The following RAB5B variants were observed in gnomAD, a reference collection of about 807,000 sequenced individuals.
RAB5B encodes RAB5B, member RAS oncogene family, also known as ras-related protein Rab-5B.
A neutral mutation model predicts 28.6 loss-of-function variants in RAB5B; 11 were observed. The ratio of observed to expected loss-of-function variants is 0.38; its 90% confidence interval spans 0.24 to 0.64. The LOEUF is 0.64. RAB5B is among the 30% of genes least tolerant of loss of function. The probability of loss-of-function intolerance (pLI) is 0.53; values close to 1 mark genes in which losing one functional copy is unlikely to be tolerated. For missense variants in RAB5B, 169 were observed against 265.6 expected (o/e 0.64, Z 2.53); for synonymous variants, 93 against 97.9 (o/e 0.95, Z 0.29).
At chr12:55,985,909 T>C (rs1889939051) in intron 1 of RAB5B, among the ~76,000 whole-genome samples, 2 of 152,200 alleles carry the variant, frequency 1.3e-5, no homozygotes, top group African/African-American at 4.8e-5. Context: ...GAGTTGTTAA[T>C]GAAACAAAGA....
chr12:55,996,003 A>ATATATATATATATTTTT lies in RAB5B; in HGVS notation c.*3792_*3793insATATATATATATTTTTT. The ATATATATATATATTTTT allele has an allele frequency of 3.3e-4, 32 of 97,370 alleles. No individual in the cohort carries two copies. The highest frequency in any genetic ancestry group is 7.5e-4 in the Admixed American group (7 of 9,310). 6.0% of individuals were successfully genotyped at this position (97,370 alleles called of 1,614,324 possible). On this transcript the variant is annotated 3_prime_UTR_variant, in exon 6 of 6. Transcript: ENST00000360299. The stretch of plus-strand genomic sequence containing the variant: ...TATATACATATATATATATATATAT[A>ATATATATATATATTTTT]TTTTTTTTTTAACAACTGGTAGGAT...
chr12:55,982,051 C>T (rs1889822869), intron 1 of RAB5B, among the ~76,000 whole-genome samples: 1 of 152,050 alleles, frequency 6.6e-6, no homozygotes, highest in Admixed American at 6.6e-5. Flanking sequence ...ATCCGCCCAC[C>T]TCAGCCTCCC....
At chr12:55,991,990 C>A in intron 5 of RAB5B, 107 bp from the exon 6 acceptor site, 1 of 770,124 alleles carries the variant, frequency 1.3e-6, no homozygotes, top group Non-Finnish European at 2.1e-6. Context: ...TTTAATCTCT[C>A]AAATTCTCCC....
At position 55,990,744 on chromosome 12, in the gene RAB5B, C is replaced by T; in HGVS notation, c.378C>T (p.Ile126=). 1.9e-6 allele frequency: 3 copies of T among 1,614,094 alleles called. No homozygotes were observed. The highest frequency in any genetic ancestry group is 1.1e-5 in the South Asian group (1 of 91,082). ...KELQRQASPS[I]VIALAGNKAD... ...TACAGCGACAGGCCAGTCCTAGCAT[C>T]GTTATTGCCCTGGCAGGGAACAAAG... The change falls in exon 4 of 6, where the codon ATC becomes ATT. Residue 126 remains isoleucine (I), a synonymous_variant. Coordinates refer to ENST00000360299, the MANE Select transcript of RAB5B (RefSeq NM_002868.4).
At chr12:55,990,543 G>A (rs1445822083) in intron 3 of RAB5B, 139 bp from the exon 4 acceptor site, 1 of 1,163,942 alleles carries the variant, frequency 8.6e-7, no homozygotes, top group African/African-American at 1.5e-5. Context: ...TAAGAAGACA[G>A]ATAATGAATT....
rs141101772 is a variant in RAB5B, at chr12:55,990,074, C to T, written c.291C>T (p.Ile97=). The T allele has an allele frequency of 8.6e-4, 1,385 of 1,614,006 alleles. 1 individual carries two copies. Among genetic ancestry groups the T allele is most frequent in the Non-Finnish European group, 1.1e-3 (1,264 of 1,179,948 alleles). Residue 97 remains isoleucine (I), a synonymous_variant, in exon 3 of 6, where the codon ATC becomes ATT. Coordinates refer to ENST00000360299, the MANE Select transcript of RAB5B (RefSeq NM_002868.4). ...ACTACAGGGGTGCCCAAGCTGCAAT[C>T]GTGGTTTACGACATTACTAATCAGG... The part of the protein sequence containing the change: ...PMYYRGAQAA[I]VVYDITNQET...
At chr12:55,978,363 G>T (rs776348773) in intron 1 of RAB5B, among the ~76,000 whole-genome samples, 1 of 152,222 alleles carries the variant, frequency 6.6e-6, no homozygotes, top group East Asian at 1.9e-4. Context: ...TTAGCTGGGC[G>T]TGGTGGTGGG....
At chr12:55,974,970 C>T (rs1889605680) in intron 1 of RAB5B, among the ~76,000 whole-genome samples, 1 of 152,084 alleles carries the variant, frequency 6.6e-6, no homozygotes, top group Non-Finnish European at 1.5e-5. Context: ...TCAGCCCCTA[C>T]ACTTTCTGTT....
At position 55,983,674 on chromosome 12, in the gene RAB5B, T is replaced by C. The variant is rs113153448; in HGVS notation, c.-92-3195T>C. ...GTCTCCTTTTTTTTTTTTTTTTTTTTCCAGAGATAGCGTCTTGTTCTGTCG... is the reference window on the plus strand; with the variant it reads ...GTCTCCTTTTTTTTTTTTTTTTTTTCCCAGAGATAGCGTCTTGTTCTGTCG... On this transcript the variant is annotated intron_variant, in intron 1 of 5. Coordinates refer to ENST00000360299, the MANE Select transcript of RAB5B (RefSeq NM_002868.4). Among the ~76,000 whole-genome samples, 291 of 131,592 alleles carry C rather than the reference T, an allele frequency of 2.2e-3. 1 individual carries two copies. Among genetic ancestry groups the C allele is most frequent in the African/African-American group, 7.0e-3 (243 of 34,474 alleles). 86.3% of individuals were successfully genotyped at this position (131,592 alleles called of 152,430 possible).
At chr12:55,989,507 C>G (rs1021245582) in intron 2 of RAB5B, among the ~76,000 whole-genome samples, 1 of 152,112 alleles carries the variant, frequency 6.6e-6, no homozygotes. Flanking sequence ...CTCCTGACCT[C>G]AGGTGATCCA....
chr12:55,989,030 T>C (rs1216643842), intron 2 of RAB5B, among the ~76,000 whole-genome samples: 1 of 144,010 alleles, frequency 6.9e-6, no homozygotes, highest in Non-Finnish European at 1.5e-5. Context: ...CAACTTCCGC[T>C]TCCCCAGTTC....
In RAB5B at chr12:55,996,580, C is replaced by G. The variant is rs772920; in HGVS notation, c.*4368C>G. The G allele has an allele frequency of 0.24, 36,554 of 152,018 alleles. 5,172 individuals carry two copies. The highest frequency in any genetic ancestry group is 0.32 in the Non-Finnish European group (21,799 of 67,958). The allele number at this position is 152,018 out of a possible 1,614,324, so 9.4% of individuals were successfully genotyped here. On this transcript the variant is annotated 3_prime_UTR_variant, in exon 6 of 6. Transcript: ENST00000360299. The stretch of plus-strand genomic sequence containing the variant: ...GCAACCTCGAACTCCTGGGCTTAAG[C>G]GATCCTCCCGCCTCAGCCTCCCGAG...
At chr12:55,982,255 A>AAAAAAATTAG (rs1454827157) in intron 1 of RAB5B, among the ~76,000 whole-genome samples, 3 of 152,192 alleles carry the variant, frequency 2.0e-5, no homozygotes, top group Non-Finnish European at 4.4e-5. Context: ...AAAAAAAAAA[A>AAAAAAATTAG]AAAAAATTAG....
rs1039729764 is a variant in RAB5B at position 55,979,257 on chromosome 12, G to A, written c.-93+5118G>A. 2.6e-5 allele frequency: 4 copies of A among 152,090 alleles called. No individual in the cohort carries two copies. In the East Asian group the frequency reaches 7.7e-4, roughly 29 times the overall value. 9.4% of individuals were successfully genotyped at this position (152,090 alleles called of 1,614,324 possible). ...CCAATCTTACCTAGGTCAATAATAG[G>A]GAGTTTGTACTACCATACTGATAAG... On this transcript the variant is annotated intron_variant, in intron 1 of 5. Coordinates refer to ENST00000360299, the MANE Select transcript of RAB5B (RefSeq NM_002868.4).
chr12:55,989,893 T>G, intron 2 of RAB5B, 54 bp from the exon 3 acceptor site: 1 of 1,542,882 alleles, frequency 6.5e-7, no homozygotes, highest in South Asian at 1.1e-5. Context: ...GGGAGGGATG[T>G]TCCCATTCAT....
chr12:55,996,003 A>ATATATATTTTTTTTTTTTTTT lies in RAB5B; in HGVS notation c.*3792_*3793insATATATTTTTTTTTTTTTTTT. The ATATATATTTTTTTTTTTTTTT allele has an allele frequency of 3.1e-5, 3 of 97,406 alleles. No homozygotes were observed. The highest frequency in any genetic ancestry group is 1.4e-4 in the African/African-American group (3 of 21,148). 6.0% of individuals were successfully genotyped at this position (97,406 alleles called of 1,614,324 possible). A position where few individuals can be genotyped will look rare whatever the true frequency, so the allele number is the denominator to read the frequency against. On this transcript the variant is annotated 3_prime_UTR_variant, in exon 6 of 6. Transcript: ENST00000360299. Reference sequence around the variant, plus strand: ...TATATACATATATATATATATATATATTTTTTTTTTAACAACTGGTAGGAT... The same window carrying ATATATATTTTTTTTTTTTTTT: ...TATATACATATATATATATATATATATATATATTTTTTTTTTTTTTTTTTTTTTTTTAACAACTGGTAGGAT...
chr12:55,981,063 T>TG, intron 1 of RAB5B: 1 of 1,589,732 alleles, frequency 6.3e-7, no homozygotes, highest in South Asian at 1.1e-5. Flanking sequence ...GGGGAAGGGA[T>TG]GGGGCTATTT....
rs1477699804 is a variant in RAB5B, at chr12:55,996,023, T to C, written c.*3811T>C. The C allele has an allele frequency of 7.1e-6, 1 of 139,938 alleles. No homozygotes were observed. The highest frequency in any genetic ancestry group is 1.5e-5 in the Non-Finnish European group (1 of 64,682). The allele number at this position is 139,938 out of a possible 1,614,324, so 8.7% of individuals were successfully genotyped here. ...TATATATTTTTTTTTTAACAACTGG[T>C]AGGATAGGTTGGGCATTAGCCTTCT... is the stretch of plus-strand genomic sequence containing the variant. On this transcript the variant is annotated 3_prime_UTR_variant, in exon 6 of 6. Transcript: ENST00000360299.
intron 2 of RAB5B, among the ~76,000 whole-genome samples, chr12:55,988,543 G>C (rs1275811721): frequency 6.6e-6 from 1 of 151,880 alleles, no homozygotes; most frequent in African/African-American, 2.4e-5. Flanking sequence ...AGTCTCTGTC[G>C]CCCAGACTGG....
Sources: allele counts gnomAD v4.1 joint callset (sites outside exome capture counted in the v4.1 genomes callset), GRCh38; gene constraint gnomAD v4.1.1; transcripts MANE v1.5; gene names NCBI Gene and HGNC (gene_info 2026-07-23, HGNC 2026-07-21).